NMNAT1: variants seen among roughly 807,000 people sequenced by gnomAD.
NMNAT1 encodes nicotinamide nucleotide adenylyltransferase 1.
Under a neutral mutation model 16.7 loss-of-function variants are expected in NMNAT1, and 11 were observed. The ratio of observed to expected loss-of-function variants is 0.66; its 90% confidence interval spans 0.41 to 1.09. The LOEUF (loss-of-function observed/expected upper bound fraction) is 1.09. Among genes scored for constraint, NMNAT1 ranks in the 50% least tolerant of loss-of-function variants. The pLI is 0.00. For missense variants in NMNAT1, 280 were observed against 332.3 expected (o/e 0.84, Z 1.22); for synonymous variants, 110 against 119.8 (o/e 0.92, Z 0.53).
intron 1 of NMNAT1, among the ~76,000 whole-genome samples, chr1:9,964,982 T>C (rs1170339673): frequency 6.6e-6 from 1 of 150,708 alleles, no homozygotes; most frequent in Non-Finnish European, 1.5e-5. Flanking sequence ...CCCCAAAGTT[T>C]TGAAAATACT....
In NMNAT1 at chr1:9,985,408, T is replaced by C. The variant is rs1034718463; in HGVS notation, c.*2707T>C. 2 of 152,192 alleles carry C rather than the reference T, an allele frequency of 1.3e-5. No individual in the cohort carries two copies. Among genetic ancestry groups the C allele is most frequent in the African/African-American group, 4.8e-5 (2 of 41,464 alleles). The allele number at this position is 152,192 out of a possible 1,614,324, so 9.4% of individuals were successfully genotyped here. A position where few individuals can be genotyped will look rare whatever the true frequency, so the allele number is the denominator to read the frequency against. ...CCAGTACCCCTAATCTCTCTTTCTG[T>C]AAAATATTACTTTTCAAAGAATGAA... On this transcript the variant is annotated 3_prime_UTR_variant, in exon 5 of 5. Coordinates refer to ENST00000377205, the MANE Select transcript of NMNAT1 (RefSeq NM_022787.4).
At chr1:9,968,067 A>AGTTTTTTTTTTTT (rs531587727) in intron 1 of NMNAT1, among the ~76,000 whole-genome samples, 8,664 of 71,674 alleles carry the variant, frequency 0.12, 608 homozygotes, top group East Asian at 0.33. Context: ...TGCCAAATGT[A>AGTTTTTTTTTTTT]GTTTTTTTTT....
At chr1:9,973,707 CAAAAAAAAAAAA>C (rs1053350657) in intron 2 of NMNAT1, among the ~76,000 whole-genome samples, 11 of 21,608 alleles carry the variant, frequency 5.1e-4, no homozygotes, top group Non-Finnish European at 6.3e-4. Context: ...GACTCCATCT[CAAAAAAAAAAAA>C]AAAAAAAAAA....
chr1:9,976,547 G>A (rs932026062), intron 3 of NMNAT1, among the ~76,000 whole-genome samples: 2 of 152,132 alleles, frequency 1.3e-5, no homozygotes, highest in East Asian at 1.9e-4. Context: ...GGGAGTCACA[G>A]ATCTCTGTGC....
intron 1 of NMNAT1, among the ~76,000 whole-genome samples, chr1:9,944,081 C>T (rs1184418183): frequency 6.6e-6 from 1 of 151,824 alleles, no homozygotes; most frequent in Admixed American, 6.6e-5. Context: ...AGTGAAACCC[C>T]GTCTCTACTA....
At chr1:9,990,638 T>A in the NMNAT1 span, among the ~76,000 whole-genome samples, 1 of 152,174 alleles carries the variant, frequency 6.6e-6, no homozygotes, top group Non-Finnish European at 1.5e-5. Flanking sequence ...GAGGTATGGA[T>A]GGTGTGGAGT....
chr1:9,972,522 G>A (rs1276182984), intron 2 of NMNAT1: 3 of 185,548 alleles, frequency 1.6e-5, no homozygotes, highest in South Asian at 2.1e-4. Flanking sequence ...CTAGAGAACC[G>A]GCATGACTGG....
At chr1:9,973,707 CAAAA>C (rs1053350657) in intron 2 of NMNAT1, among the ~76,000 whole-genome samples, 13 of 21,620 alleles carry the variant, frequency 6.0e-4, no homozygotes, top group African/African-American at 2.1e-3. Context: ...GACTCCATCT[CAAAA>C]AAAAAAAAAA....
chr1:9,990,352 A>G (rs1048695762), downstream of NMNAT1, among the ~76,000 whole-genome samples: 24 of 152,182 alleles, frequency 1.6e-4, no homozygotes, highest in Non-Finnish European at 3.5e-4. Flanking sequence ...GAGGGTCACC[A>G]GTAGCCAGGC....
rs1171443458 is a variant in NMNAT1 at position 9,984,817 on chromosome 1, G to A, written c.*2116G>A. 6.6e-6 allele frequency: 1 copy of A among 152,206 alleles called. No individual in the cohort carries two copies. The highest frequency in any genetic ancestry group is 1.5e-5 in the Non-Finnish European group (1 of 68,046). 9.4% of individuals were successfully genotyped at this position (152,206 alleles called of 1,614,324 possible). On this transcript the variant is annotated 3_prime_UTR_variant, in exon 5 of 5. Transcript: ENST00000377205. ...AGCCTTTGTGGTAGTGTTTGCTTATGTGAACAGCAGGCCTTTCAGATAAGA... is the reference window on the plus strand; with the variant it reads ...AGCCTTTGTGGTAGTGTTTGCTTATATGAACAGCAGGCCTTTCAGATAAGA...
At chr1:9,966,994 C>T (rs530186700) in intron 1 of NMNAT1, among the ~76,000 whole-genome samples, 51 of 152,098 alleles carry the variant, frequency 3.4e-4, no homozygotes, top group East Asian at 7.7e-4. Context: ...AAGGCCGTGG[C>T]GGGCAGATCA....
chr1:9,991,612 T>C, the NMNAT1 span, among the ~76,000 whole-genome samples: 3 of 152,152 alleles, frequency 2.0e-5, no homozygotes, highest in East Asian at 1.9e-4. Context: ...CAAACATTTA[T>C]TGAGTACTTA....
intron 1 of NMNAT1, among the ~76,000 whole-genome samples, chr1:9,952,144 T>TA (rs1046225589): frequency 6.6e-6 from 1 of 151,214 alleles, no homozygotes; most frequent in African/African-American, 2.4e-5. Context: ...TAAAAAAAAA[T>TA]ACAAAAAATT....
In NMNAT1 at chr1:9,982,317, G is replaced by A. The variant is rs1293538196; in HGVS notation, c.456G>A (p.Lys152=). ...EPKTKAVPKV[K]LLCGADLLES... Reference sequence around the variant, plus strand: ...TCTTCCCAGCTGTGCCAAAGGTCAAGCTGCTGTGTGGGGCAGATTTATTGG... The same window carrying A: ...TCTTCCCAGCTGTGCCAAAGGTCAAACTGCTGTGTGGGGCAGATTTATTGG... The change falls in exon 5 of 5, where the codon AAG becomes AAA. Residue 152 remains lysine, a synonymous_variant. Coordinates refer to ENST00000377205, the MANE Select transcript of NMNAT1 (RefSeq NM_022787.4). 1 of 1,612,540 alleles carries A rather than the reference G, an allele frequency of 6.2e-7. No homozygotes were observed.
At position 9,965,369 on chromosome 1, in the gene NMNAT1, G is replaced by C. The variant is rs554126823; in HGVS notation, c.-56-6649G>C. ...ATGATTATTTTTAAGACATTCTTTG[G>C]ATATATAAGAATATTTATTACTTTT... On this transcript the variant is annotated intron_variant, in intron 1 of 4. Coordinates refer to ENST00000377205, the MANE Select transcript of NMNAT1 (RefSeq NM_022787.4). 2.7e-5 allele frequency among the ~76,000 whole-genome samples: 4 copies of C among 150,788 alleles called. No homozygotes were observed. The South Asian group carries it at 8.4e-4, about 32-fold the overall frequency.
chr1:9,989,795 C>T (rs926129924), downstream of NMNAT1, among the ~76,000 whole-genome samples: 1 of 152,196 alleles, frequency 6.6e-6, no homozygotes, highest in Non-Finnish European at 1.5e-5. Flanking sequence ...TCACACTGAC[C>T]CTCCACTGAG....
At chr1:9,985,722 G>T (rs1642037086), downstream of NMNAT1, among the ~76,000 whole-genome samples, 1 of 152,166 alleles carries the variant, frequency 6.6e-6, no homozygotes, top group Non-Finnish European at 1.5e-5. Flanking sequence ...GAGTGCAGTG[G>T]CACAGTCTCG....
At chr1:9,980,076 C>T (rs1641907393) in intron 3 of NMNAT1, among the ~76,000 whole-genome samples, 1 of 151,160 alleles carries the variant, frequency 6.6e-6, no homozygotes, top group Non-Finnish European at 1.5e-5. Flanking sequence ...GGATTATAGG[C>T]ATGTGCCACC....
At position 9,983,030 on chromosome 1, in the gene NMNAT1, C is replaced by T. The variant is rs537833637; in HGVS notation, c.*329C>T. ...CTGAGGCAGGAGAATCACTTGACCCCAGGTGGTGGAGGTTGCAGTGAGCCA... is the reference window on the plus strand; with the variant it reads ...CTGAGGCAGGAGAATCACTTGACCCTAGGTGGTGGAGGTTGCAGTGAGCCA... On this transcript the variant is annotated 3_prime_UTR_variant, in exon 5 of 5. Coordinates refer to ENST00000377205, the MANE Select transcript of NMNAT1 (RefSeq NM_022787.4). The T allele has an allele frequency of 1.4e-4, 29 of 201,272 alleles. No homozygotes were observed. The highest frequency in any genetic ancestry group is 2.8e-4 in the Non-Finnish European group (28 of 99,072). 12.5% of individuals were successfully genotyped at this position (201,272 alleles called of 1,614,324 possible).
Sources: gnomAD v4.1 joint callset for allele counts (sites outside exome capture counted in the v4.1 genomes callset) on GRCh38, gnomAD v4.1.1 for gene constraint, MANE v1.5 for transcripts, NCBI Gene and HGNC (gene_info 2026-07-23, HGNC 2026-07-21) for gene names.